The following ABI3BP variants were observed in gnomAD, a reference collection of about 807,000 sequenced individuals.
ABI3BP encodes the protein ABI family member 3 binding protein.
ABI3BP carries 216 observed loss-of-function variants against 268.6 expected under a neutral mutation model. That is an observed-to-expected ratio of 0.80 (90% confidence interval 0.72 to 0.90). ABI3BP has a LOEUF of 0.90. ABI3BP is among the 40% of genes least tolerant of loss of function. The pLI is 0.00. For missense variants in ABI3BP, 2,090 were observed against 2,182.4 expected, an observed-to-expected ratio of 0.96 and a Z score of 0.84; for synonymous variants, 730 against 730.0, an observed-to-expected ratio of 1.00 and a Z score of 0.00.
intron 19 of ABI3BP, 122 bp downstream of exon 19, chr3:100,847,480 T>C (rs2098783608): frequency 1.3e-5 from 11 of 848,062 alleles, no homozygotes; most frequent in Non-Finnish European, 2.0e-5. Flanking sequence ...AGATGGGCCA[T>C]GCTGTTCAAA....
At chr3:100,840,703 T>A (rs2098682033) in intron 22 of ABI3BP, 117 bp downstream of exon 22, 14 of 822,822 alleles carry the variant, frequency 1.7e-5, no homozygotes, top group Admixed American at 2.9e-5. Flanking sequence ...AACAGAGCAC[T>A]CACACACACA....
intron 4 of ABI3BP, among the ~76,000 whole-genome samples, chr3:100,896,880 T>G (rs974814345): frequency 6.6e-6 from 1 of 152,246 alleles, no homozygotes; most frequent in African/African-American, 2.4e-5. Context: ...TTTGGAAATA[T>G]CTTCTACATG....
chr3:100,879,835 C>G (rs760399741), intron 6 of ABI3BP, among the ~76,000 whole-genome samples: 6 of 152,206 alleles, frequency 3.9e-5, no homozygotes, highest in Admixed American at 6.5e-5. Context: ...AGCTGCGTCT[C>G]TACAGGTAGG....
At chr3:100,767,519 T>C (rs1042172947) in intron 62 of ABI3BP, among the ~76,000 whole-genome samples, 1 of 151,754 alleles carries the variant, frequency 6.6e-6, no homozygotes, top group Non-Finnish European at 1.5e-5. Flanking sequence ...AATCTGTCCA[T>C]TTTATATTTT....
chr3:100,758,441 T>A (rs550826665), intron 63 of ABI3BP, among the ~76,000 whole-genome samples: 9 of 152,330 alleles, frequency 5.9e-5, no homozygotes, highest in South Asian at 2.1e-4. Flanking sequence ...TAATTTTTTT[T>A]AAAGAGTTTC....
At chr3:100,942,725 GA>G (rs1289352186) in intron 1 of ABI3BP, among the ~76,000 whole-genome samples, 2 of 152,036 alleles carry the variant, frequency 1.3e-5, no homozygotes, top group Non-Finnish European at 2.9e-5. Context: ...CATCATCTGG[GA>G]ACTTGTGAGA....
chr3:100,854,973 C>CAAG (rs2098923751), intron 14 of ABI3BP, among the ~76,000 whole-genome samples: 1 of 151,868 alleles, frequency 6.6e-6, no homozygotes, highest in Non-Finnish European at 1.5e-5. Flanking sequence ...GTCGCCCAGA[C>CAAG]TGGAGTGAAA....
At position 100,808,223 on chromosome 3, in the gene ABI3BP, G is replaced by A. The variant is rs773214401; in HGVS notation, c.3620C>T (p.Thr1207Ile). The A allele has an allele frequency of 1.2e-6, 2 of 1,610,146 alleles. No individual in the cohort carries two copies. Among genetic ancestry groups the A allele is most frequent in the Non-Finnish European group, 1.7e-6 (2 of 1,177,858 alleles). The part of the protein sequence containing the change: ...EPQTEPAPKQ[T>I]PRAPPKPKTS... The stretch of plus-strand genomic sequence containing the variant: ...TTTTGGCTTAGGAGGAGCACGTGGT[G>A]TCTGCTTGGGAGCTAAAAGAAAGGA... The change falls in exon 50 of 68, where the codon ACA becomes ATA. Residue 1207 changes from threonine (T) to isoleucine (I), a missense_variant. Thr to Ile is a moderately conservative substitution (Grantham distance 89). Coordinates refer to ENST00000471714, the MANE Select transcript of ABI3BP (RefSeq NM_001375547.2).
chr3:100,786,080 G>T (rs1465499570), intron 57 of ABI3BP, among the ~76,000 whole-genome samples: 2 of 152,152 alleles, frequency 1.3e-5, no homozygotes, highest in Admixed American at 1.3e-4. Context: ...TACTCTGAGG[G>T]AGATGATAGC....
chr3:100,810,537 GA>G (rs2152482592), intron 48 of ABI3BP, 60 bp from the exon 49 acceptor site: 1 of 1,184,464 alleles, frequency 8.4e-7, no homozygotes, highest in Non-Finnish European at 1.2e-6. Flanking sequence ...CTTGAGTACA[GA>G]TAACAGACAG....
At chr3:100,960,164 A>G (rs2078498488) in intron 1 of ABI3BP, among the ~76,000 whole-genome samples, 1 of 152,186 alleles carries the variant, frequency 6.6e-6, no homozygotes, top group African/African-American at 2.4e-5. Flanking sequence ...CAGAAGAGAT[A>G]AAAAAGGATA....
intron 17 of ABI3BP, 121 bp downstream of exon 17, chr3:100,849,924 T>A: frequency 1.3e-6 from 1 of 782,710 alleles, no homozygotes. Flanking sequence ...TGGTAGAGAC[T>A]GAAGGGAAAT....
At position 100,933,032 on chromosome 3, in the gene ABI3BP, C is replaced by T. The variant is rs185216054; in HGVS notation, c.80-6551G>A. ...TCTAATCTTTCATAAGGTTATCTTA[C>T]ATTCTCCAGAATATTTCAGAATGTG... On this transcript the variant is annotated intron_variant, in intron 1 of 67. Transcript: ENST00000471714. Among the ~76,000 whole-genome samples, 211 of 152,076 alleles carry T rather than the reference C, an allele frequency of 1.4e-3. 1 individual carries two copies. Among genetic ancestry groups the T allele is most frequent in the Middle Eastern group, 0.014 (4 of 294 alleles).
intron 63 of ABI3BP, among the ~76,000 whole-genome samples, chr3:100,756,776 G>T (rs1020491411): frequency 5.8e-4 from 76 of 130,624 alleles, no homozygotes; most frequent in Non-Finnish European, 8.4e-4. Context: ...TACTTTTTGG[G>T]TTTTTTTTTT....
Position 100,906,276 on chromosome 3 carries a change from T to C in ABI3BP, c.260-3590A>G, listed in dbSNP as rs117675659. Among the ~76,000 whole-genome samples the C allele has an allele frequency of 3.3e-5, 5 of 152,342 alleles. No homozygotes were observed. In the East Asian group the frequency reaches 9.6e-4, roughly 29 times the overall value. On this transcript the variant is annotated intron_variant, in intron 2 of 67. Transcript: ENST00000471714. ...TATATGAGCAATTTAAAAATACCTTTTGTTATGATCACAGTTATTTTGCAT... is the reference window on the plus strand; with the variant it reads ...TATATGAGCAATTTAAAAATACCTTCTGTTATGATCACAGTTATTTTGCAT...
chr3:100,857,972 C>CT lies in ABI3BP; in HGVS notation c.1285+4338_1285+4339insA, dbSNP rs2098957913. Among the ~76,000 whole-genome samples, 3 of 152,320 alleles carry CT rather than the reference C, an allele frequency of 2.0e-5. 1 individual carries two copies. The East Asian group carries it at 5.8e-4, about 29-fold the overall frequency. On this transcript the variant is annotated intron_variant, in intron 14 of 67. Coordinates refer to ENST00000471714, the MANE Select transcript of ABI3BP (RefSeq NM_001375547.2). Reference sequence around the variant, plus strand: ...ATGCACAATTCATCTGAATGGAAGACACTGAGAACTTTTCTAGCGCTTGCT... The same window carrying CT: ...ATGCACAATTCATCTGAATGGAAGACTACTGAGAACTTTTCTAGCGCTTGCT...
intron 53 of ABI3BP, 117 bp from the exon 54 acceptor site, chr3:100,795,120 A>C: frequency 1.6e-6 from 1 of 638,802 alleles, no homozygotes; most frequent in South Asian, 2.8e-5. Context: ...AAGAAAGTTA[A>C]GTGTGCACAC....
At chr3:100,796,351 G>A in intron 52 of ABI3BP, 58 bp downstream of exon 52, 3 of 1,336,338 alleles carry the variant, frequency 2.2e-6, no homozygotes, top group Non-Finnish European at 3.0e-6. Context: ...TTTACTTCAA[G>A]AATTTTTTTT....
At chr3:100,840,899 C>A in intron 21 of ABI3BP, 41 bp from the exon 22 acceptor site, 1 of 1,486,264 alleles carries the variant, frequency 6.7e-7, no homozygotes, top group Non-Finnish European at 9.0e-7. Flanking sequence ...GAATCAAGAT[C>A]AAAGGAAAAA....
Sources: gnomAD v4.1 joint callset for allele counts (sites outside exome capture counted in the v4.1 genomes callset) on GRCh38, gnomAD v4.1.1 for gene constraint, MANE v1.5 for transcripts, NCBI Gene and HGNC (gene_info 2026-07-23, HGNC 2026-07-21) for gene names.